The following MDFIC2 variants were observed in gnomAD, a reference collection of about 807,000 sequenced individuals.
The protein encoded by MDFIC2 is myoD family inhibitor domain-containing protein 2.
At chr3:70,285,089 G>C (rs1702129843) in intron 2 of MDFIC2, among the ~76,000 whole-genome samples, 1 of 148,446 alleles carries the variant, frequency 6.7e-6, no homozygotes, top group Non-Finnish European at 1.5e-5. Flanking sequence ...TAAGTTTTAG[G>C]GTACATGTGC....
intron 2 of MDFIC2, among the ~76,000 whole-genome samples, chr3:70,297,347 G>T (rs1393949206): frequency 1.3e-5 from 2 of 152,038 alleles, no homozygotes; most frequent in African/African-American, 4.8e-5. Flanking sequence ...GCTTGCTCTA[G>T]ACCACAAAAA....
intron 2 of MDFIC2, 124 bp from the exon 3 acceptor site, chr3:70,206,914 A>C: frequency 2.5e-6 from 1 of 394,624 alleles, no homozygotes; most frequent in Non-Finnish European, 4.5e-6. Context: ...AAACAAATGA[A>C]GTATTATTGA....
At chr3:70,269,756 T>G (rs1297166810) in intron 2 of MDFIC2, among the ~76,000 whole-genome samples, 1 of 152,222 alleles carries the variant, frequency 6.6e-6, no homozygotes, top group Non-Finnish European at 1.5e-5. Context: ...GTCTATTGAA[T>G]GTTTAAATAT....
chr3:70,207,978 AC>A (rs1261159740), intron 2 of MDFIC2, among the ~76,000 whole-genome samples: 1 of 152,010 alleles, frequency 6.6e-6, no homozygotes, highest in African/African-American at 2.4e-5. Flanking sequence ...ACAGGCGTGG[AC>A]CTTGACCTTC....
At chr3:70,223,037 G>T (rs921816564) in intron 2 of MDFIC2, among the ~76,000 whole-genome samples, 1 of 152,094 alleles carries the variant, frequency 6.6e-6, no homozygotes, top group Admixed American at 6.6e-5. Context: ...TTAGGGGCAG[G>T]CTTCAAATTT....
chr3:70,198,147 T>C (rs1314537093), intron 3 of MDFIC2, among the ~76,000 whole-genome samples: 1 of 152,196 alleles, frequency 6.6e-6, no homozygotes, highest in Admixed American at 6.5e-5. Flanking sequence ...TATTACCTAA[T>C]TAATTAAAAT....
At chr3:70,270,980 C>G (rs1342072337) in intron 2 of MDFIC2, among the ~76,000 whole-genome samples, 1 of 151,858 alleles carries the variant, frequency 6.6e-6, no homozygotes, top group East Asian at 1.9e-4. Context: ...ACATGTATAC[C>G]TATATAACAA....
At chr3:70,199,665 G>A (rs1021422255) in intron 3 of MDFIC2, among the ~76,000 whole-genome samples, 1 of 152,130 alleles carries the variant, frequency 6.6e-6, no homozygotes, top group South Asian at 2.1e-4. Flanking sequence ...GCCAATTTTT[G>A]TTTGCACAAG....
At chr3:70,308,222 A>AT (rs1281696979) in intron 2 of MDFIC2, among the ~76,000 whole-genome samples, 14 of 146,360 alleles carry the variant, frequency 9.6e-5, no homozygotes, top group Admixed American at 2.1e-4. Flanking sequence ...AGCTAATTTT[A>AT]TTTTTTTGTT....
intron 2 of MDFIC2, among the ~76,000 whole-genome samples, chr3:70,250,544 A>G (rs1043614696): frequency 1.3e-5 from 2 of 152,168 alleles, no homozygotes; most frequent in African/African-American, 4.8e-5. Context: ...CTAATACTTA[A>G]AAGAAAAACC....
intron 1 of MDFIC2, 45 bp from the exon 2 acceptor site, chr3:70,312,018 C>A (rs554075789): frequency 4.4e-4 from 175 of 397,104 alleles, no homozygotes; most frequent in Non-Finnish European, 3.1e-4. Flanking sequence ...CATTAAGAAC[C>A]CAAATTTATA....
chr3:70,291,076 G>C (rs766242466), intron 2 of MDFIC2: 1 of 152,252 alleles, frequency 6.6e-6, no homozygotes, highest in Non-Finnish European at 1.5e-5. Flanking sequence ...GGCCATCTTG[G>C]CTCCTCCAGA....
intron 2 of MDFIC2, among the ~76,000 whole-genome samples, chr3:70,237,804 G>A (rs1208789626): frequency 2.0e-5 from 3 of 152,040 alleles, no homozygotes; most frequent in Non-Finnish European, 4.4e-5. Context: ...CCATATTGTG[G>A]GCATGGACAA....
chr3:70,293,372 G>A (rs573845544), intron 2 of MDFIC2, among the ~76,000 whole-genome samples: 12 of 152,138 alleles, frequency 7.9e-5, no homozygotes, highest in Admixed American at 6.5e-4. Flanking sequence ...ACTTAGAAGT[G>A]GAATAACTAA....
chr3:70,245,692 T>A (rs1043625310), intron 2 of MDFIC2, among the ~76,000 whole-genome samples: 110 of 135,756 alleles, frequency 8.1e-4, no homozygotes, highest in Non-Finnish European at 1.5e-3. Context: ...TATATATATA[T>A]ATATATATAT....
Position 70,195,295 on chromosome 3 carries a change from C to T in MDFIC2, c.*1631G>A, listed in dbSNP as rs145621174. On this transcript the variant is annotated 3_prime_UTR_variant, in exon 4 of 4. Coordinates refer to ENST00000567252, the MANE Select transcript of MDFIC2 (RefSeq NM_001364677.1). ...TTCGAGCTTCTGAAAAGCAGAAAGA[C>T]TTTTTCATGGAAGGTGTGGGGCACT... 6.6e-6 allele frequency among the ~76,000 whole-genome samples: 1 copy of T among 152,160 alleles called. No individual in the cohort carries two copies. The highest frequency in any genetic ancestry group is 2.4e-5 in the African/African-American group (1 of 41,508).
chr3:70,212,581 C>T (rs1019441574), intron 2 of MDFIC2, among the ~76,000 whole-genome samples: 1 of 152,130 alleles, frequency 6.6e-6, no homozygotes, highest in African/African-American at 2.4e-5. Context: ...TTAATCTTCT[C>T]TGCCCTCACA....
chr3:70,266,521 A>G (rs1159568200), intron 2 of MDFIC2, among the ~76,000 whole-genome samples: 1 of 152,080 alleles, frequency 6.6e-6, no homozygotes, highest in Non-Finnish European at 1.5e-5. Flanking sequence ...CCTAGGCTCA[A>G]GTGATCCAGA....
At chr3:70,204,061 A>G (rs930217918) in intron 3 of MDFIC2, among the ~76,000 whole-genome samples, 3 of 152,174 alleles carry the variant, frequency 2.0e-5, no homozygotes, top group African/African-American at 7.2e-5. Flanking sequence ...AACTGTGCTA[A>G]TGGATGTAAC....
Sources: gnomAD v4.1 joint callset for allele counts (sites outside exome capture counted in the v4.1 genomes callset) on GRCh38, gnomAD v4.1.1 for gene constraint, MANE v1.5 for transcripts, NCBI Gene and HGNC (gene_info 2026-07-23, HGNC 2026-07-21) for gene names.